Variants in CEP112 observed in about 807,000 individuals in gnomAD.
The protein encoded by CEP112 is centrosomal protein of 112 kDa.
Under a neutral mutation model 153.0 loss-of-function variants are expected in CEP112, and 127 were observed. The observed-to-expected ratio is 0.83, with a 90% CI of 0.72 to 0.96. The LOEUF (loss-of-function observed/expected upper bound fraction) is 0.96. Among genes scored for constraint, CEP112 ranks in the 40% least tolerant of loss-of-function variants. The pLI, the probability that CEP112 is intolerant of heterozygous loss-of-function variation, is 0.00. For synonymous variants in CEP112, 358 were observed against 374.4 expected (o/e 0.96, Z 0.51); for missense variants, 1,089 against 1,101.2 (o/e 0.99, Z 0.16).
At chr17:65,650,006 T>TG in intron 24 of CEP112, among the ~76,000 whole-genome samples, 1 of 152,340 alleles carries the variant, frequency 6.6e-6, no homozygotes, top group East Asian at 1.9e-4. Context: ...AACAAGGCCC[T>TG]GTACTGTCTG....
At chr17:65,997,160 G>T (rs1228354740) in intron 17 of CEP112, among the ~76,000 whole-genome samples, 1 of 152,238 alleles carries the variant, frequency 6.6e-6, no homozygotes, top group Middle Eastern at 3.4e-3. Context: ...GCAGTGAGCC[G>T]AGATTACGCC....
chr17:65,991,646 A>G (rs958010269), intron 17 of CEP112, among the ~76,000 whole-genome samples: 1 of 152,110 alleles, frequency 6.6e-6, no homozygotes, highest in African/African-American at 2.4e-5. Context: ...GAGACCCTAC[A>G]AAGGTGTTTT....
chr17:65,769,365 A>G (rs181617328), intron 21 of CEP112, among the ~76,000 whole-genome samples: 1 of 151,948 alleles, frequency 6.6e-6, no homozygotes, highest in East Asian at 1.9e-4. Flanking sequence ...TATAGATGCA[A>G]TGCAAACCCT....
chr17:65,816,397 T>G (rs2094425890), intron 21 of CEP112, among the ~76,000 whole-genome samples: 1 of 152,038 alleles, frequency 6.6e-6, no homozygotes, highest in Admixed American at 6.6e-5. Context: ...ACCTGAGCAG[T>G]ATACACTGCA....
chr17:65,694,895 G>A (rs185624356), intron 23 of CEP112, among the ~76,000 whole-genome samples: 2 of 152,160 alleles, frequency 1.3e-5, no homozygotes, highest in African/African-American at 4.8e-5. Flanking sequence ...GATAATTAAA[G>A]AACAGAATGT....
At chr17:65,748,392 G>A (rs1050304543) in intron 22 of CEP112, among the ~76,000 whole-genome samples, 2 of 152,116 alleles carry the variant, frequency 1.3e-5, no homozygotes, top group African/African-American at 4.8e-5. Flanking sequence ...TGGGAAAACA[G>A]TTAGCAACCC....
chr17:66,162,324 C>T (rs557236434), intron 4 of CEP112, among the ~76,000 whole-genome samples: 2 of 152,208 alleles, frequency 1.3e-5, no homozygotes, highest in East Asian at 3.9e-4. Context: ...ACTTACAAAC[C>T]GAGTTTCAGC....
intron 24 of CEP112, among the ~76,000 whole-genome samples, chr17:65,650,739 A>AAT (rs2045713533): frequency 1.3e-5 from 2 of 149,624 alleles, no homozygotes; most frequent in African/African-American, 5.0e-5. Flanking sequence ...CTAAAAAAAA[A>AAT]AAAAAAAAAA....
intron 21 of CEP112, among the ~76,000 whole-genome samples, chr17:65,757,543 T>C (rs2052360218): frequency 6.6e-6 from 1 of 152,182 alleles, no homozygotes; most frequent in African/African-American, 2.4e-5. Flanking sequence ...TTGCCAATGC[T>C]GAATTTAAAA....
intron 12 of CEP112, among the ~76,000 whole-genome samples, chr17:66,052,123 G>A (rs2319119): frequency 0.98 from 149,354 of 152,302 alleles, 73,297 homozygotes; most frequent in East Asian, 1. Context: ...ATGGTCCCCA[G>A]CTTACAATGG....
intron 6 of CEP112, among the ~76,000 whole-genome samples, chr17:66,101,559 T>C (rs2068570145): frequency 6.6e-6 from 1 of 152,056 alleles, no homozygotes; most frequent in Admixed American, 6.6e-5. Flanking sequence ...TCACAAAATT[T>C]AAAAGGCAGC....
At chr17:65,680,023 A>G (rs985759264) in intron 24 of CEP112, among the ~76,000 whole-genome samples, 2 of 152,238 alleles carry the variant, frequency 1.3e-5, no homozygotes, top group Non-Finnish European at 2.9e-5. Flanking sequence ...ATAGAGAAAA[A>G]TCAAGGACTT....
intron 21 of CEP112, among the ~76,000 whole-genome samples, chr17:65,764,119 C>T (rs1033739485): frequency 6.6e-6 from 1 of 151,996 alleles, no homozygotes; most frequent in Admixed American, 6.6e-5. Flanking sequence ...ATTTTCCATC[C>T]CCCATATAGA....
At chr17:65,940,126 G>A (rs1286854608) in intron 18 of CEP112, among the ~76,000 whole-genome samples, 2 of 152,136 alleles carry the variant, frequency 1.3e-5, no homozygotes, top group Admixed American at 1.3e-4. Context: ...CCCACAAGCT[G>A]ATGGAACAAA....
chr17:65,773,091 C>T (rs1045006608), intron 21 of CEP112, among the ~76,000 whole-genome samples: 1 of 152,168 alleles, frequency 6.6e-6, no homozygotes. Context: ...AACTTGTCTA[C>T]GGCTATGCAG....
chr17:65,741,017 G>C (rs931790566), intron 23 of CEP112, among the ~76,000 whole-genome samples: 1 of 152,132 alleles, frequency 6.6e-6, no homozygotes, highest in South Asian at 2.1e-4. Flanking sequence ...AATAGTTGAG[G>C]CTCTCAAGTA....
intron 2 of CEP112, 114 bp from the exon 3 acceptor site, chr17:66,177,134 T>C (rs2072514447): frequency 1.3e-6 from 1 of 798,354 alleles, no homozygotes; most frequent in East Asian, 2.7e-5. Context: ...ACAAACCTTT[T>C]CTGTTAAAGG....
intron 24 of CEP112, among the ~76,000 whole-genome samples, chr17:65,658,083 T>C (rs2046148493): frequency 6.6e-6 from 1 of 152,258 alleles, no homozygotes; most frequent in Non-Finnish European, 1.5e-5. Flanking sequence ...TTTTACATAC[T>C]GTGATGATTC....
chr17:65,820,956 T>C (rs1282089175), intron 21 of CEP112, among the ~76,000 whole-genome samples: 4 of 152,190 alleles, frequency 2.6e-5, no homozygotes, highest in African/African-American at 9.6e-5. Flanking sequence ...GGATGTCTAC[T>C]GATCTGTTAA....
Sources: gnomAD v4.1 joint callset for allele counts (sites outside exome capture counted in the v4.1 genomes callset) on GRCh38, gnomAD v4.1.1 for gene constraint, MANE v1.5 for transcripts, NCBI Gene and HGNC (gene_info 2026-07-23, HGNC 2026-07-21) for gene names.